The following RPAP3 variants were observed in gnomAD, a reference collection of about 807,000 sequenced individuals.
The protein encoded by RPAP3 is RNA polymerase II associated protein 3, also known as RNA polymerase II-associated protein 3.
RPAP3 carries 58 observed loss-of-function variants against 88.8 expected under a neutral mutation model. The ratio of observed to expected loss-of-function variants is 0.65; its 90% confidence interval spans 0.53 to 0.81. The LOEUF (loss-of-function observed/expected upper bound fraction) is 0.81, where lower values mean the gene tolerates loss of function less well. RPAP3 is among the 40% of genes least tolerant of loss of function. The pLI is 0.00. For missense variants in RPAP3, 751 were observed against 764.3 expected (o/e 0.98, Z 0.20); for synonymous variants, 255 against 259.9 (o/e 0.98, Z 0.18).
chr12:47,669,525 A>ATTT (rs1938953820), intron 13 of RPAP3, among the ~76,000 whole-genome samples: 2 of 152,180 alleles, frequency 1.3e-5, no homozygotes. Context: ...TATCACTTTA[A>ATTT]ATAAAAGTAC....
In RPAP3 at chr12:47,677,530, C is replaced by T. The variant is rs868812776; in HGVS notation, c.1287+1963G>A. 2.6e-5 allele frequency among the ~76,000 whole-genome samples: 4 copies of T among 152,168 alleles called. No homozygotes were observed. In the South Asian group the frequency reaches 6.2e-4, roughly 24 times the overall value. On this transcript the variant is annotated intron_variant, in intron 12 of 16. Transcript: ENST00000005386. ...CCCAAAATCTCCTTAAGCTGATAGG[C>T]AACTTCAGCAAAGTCTCAGGATACA... is the stretch of plus-strand genomic sequence containing the variant.
chr12:47,696,545 G>A, intron 4 of RPAP3, 142 bp from the exon 5 acceptor site: 2 of 540,594 alleles, frequency 3.7e-6, no homozygotes, highest in Non-Finnish European at 3.1e-6. Context: ...AAGTGTGCCT[G>A]CCTCCCCTTC....
chr12:47,696,267 A>G lies in RPAP3; in HGVS notation c.545+9T>C. On this transcript the variant is annotated intron_variant, in intron 5 of 16. Transcript: ENST00000005386. ...ATTCACATTCACACACGTCACAGAAAGTCCTTACTTTTTCAGTCTAAAATA... is the reference window on the plus strand; with the variant it reads ...ATTCACATTCACACACGTCACAGAAGGTCCTTACTTTTTCAGTCTAAAATA... 5 of 1,523,574 alleles carry G rather than the reference A, an allele frequency of 3.3e-6. No homozygotes were observed. Among genetic ancestry groups the G allele is most frequent in the Non-Finnish European group, 4.4e-6 (5 of 1,134,968 alleles). 94.4% of individuals were successfully genotyped at this position (1,523,574 alleles called of 1,614,324 possible).
chr12:47,670,905 T>C (rs1938984693), intron 12 of RPAP3, among the ~76,000 whole-genome samples: 1 of 152,112 alleles, frequency 6.6e-6, no homozygotes, highest in South Asian at 2.1e-4. Context: ...TGAAGGCAAG[T>C]GGAATAAGGG....
At chr12:47,693,862 C>G (rs1241559727) in intron 5 of RPAP3, among the ~76,000 whole-genome samples, 3 of 152,140 alleles carry the variant, frequency 2.0e-5, no homozygotes, top group African/African-American at 7.2e-5. Context: ...AAGAGACAAA[C>G]AAACAAAACA....
chr12:47,700,745 T>C (rs1439730746), intron 3 of RPAP3, among the ~76,000 whole-genome samples: 1 of 152,190 alleles, frequency 6.6e-6, no homozygotes, highest in East Asian at 1.9e-4. Flanking sequence ...TATCCCAGTC[T>C]AGAAGGGTAA....
At chr12:47,673,707 A>G (rs1330486285) in intron 12 of RPAP3, among the ~76,000 whole-genome samples, 1 of 152,100 alleles carries the variant, frequency 6.6e-6, no homozygotes, top group Non-Finnish European at 1.5e-5. Flanking sequence ...TTGATCAGTC[A>G]GGGGTACATA....
At chr12:47,700,194 T>G (rs1320048639) in intron 3 of RPAP3, 1 of 152,078 alleles carries the variant, frequency 6.6e-6, no homozygotes, top group African/African-American at 2.4e-5. Flanking sequence ...AGATGCACAC[T>G]TAAGATTTTT....
chr12:47,677,172 GC>G (rs1164073238), intron 12 of RPAP3, among the ~76,000 whole-genome samples: 1 of 152,110 alleles, frequency 6.6e-6, no homozygotes, highest in African/African-American at 2.4e-5. Flanking sequence ...TGCAGAAAAG[GC>G]CTTTGACAAA....
At chr12:47,665,821 T>C (rs542190296) in intron 16 of RPAP3, among the ~76,000 whole-genome samples, 106 of 151,858 alleles carry the variant, frequency 7.0e-4, no homozygotes, top group Middle Eastern at 6.8e-3. Context: ...TTGTATTTTT[T>C]GTAAAGACGG....
At chr12:47,688,602 G>A (rs183211342) in intron 7 of RPAP3, among the ~76,000 whole-genome samples, 1 of 152,244 alleles carries the variant, frequency 6.6e-6, no homozygotes, top group East Asian at 1.9e-4. Context: ...TTTAGGAGCT[G>A]TTTTCAGACA....
At chr12:47,697,445 A>G in intron 4 of RPAP3, 152 bp downstream of exon 4, 1 of 615,782 alleles carries the variant, frequency 1.6e-6, no homozygotes, top group South Asian at 2.5e-5. Context: ...ACTCCTAACC[A>G]CCATGTTACA....
intron 3 of RPAP3, chr12:47,699,851 G>A (rs1274619662): frequency 6.6e-6 from 1 of 152,132 alleles, no homozygotes; most frequent in Non-Finnish European, 1.5e-5. Context: ...GACAGCAAAA[G>A]AAGCCAAACT....
chr12:47,687,780 TTAA>T, intron 8 of RPAP3, 93 bp downstream of exon 8: 1 of 1,393,678 alleles, frequency 7.2e-7, no homozygotes, highest in Non-Finnish European at 9.6e-7. Context: ...AAGCAAAACT[TTAA>T]TATTAGAGAA....
At chr12:47,680,236 G>T (rs1317703417) in intron 10 of RPAP3, among the ~76,000 whole-genome samples, 1 of 152,096 alleles carries the variant, frequency 6.6e-6, no homozygotes, top group East Asian at 1.9e-4. Context: ...ACTTACATAG[G>T]ATATCTAGAA....
intron 5 of RPAP3, among the ~76,000 whole-genome samples, chr12:47,690,935 A>G (rs2136634619): frequency 6.6e-6 from 1 of 152,340 alleles, no homozygotes; most frequent in Non-Finnish European, 1.5e-5. Flanking sequence ...TAATCTAATA[A>G]GTGTGCAAAA....
At chr12:47,694,212 TGGAATGGATGTAA>T (rs992989419) in intron 5 of RPAP3, among the ~76,000 whole-genome samples, 25 of 152,240 alleles carry the variant, frequency 1.6e-4, no homozygotes, top group African/African-American at 6.0e-4. Flanking sequence ...AAAGATAGTG[TGGAATGGATGTAA>T]GGACAGGCAA....
At chr12:47,685,378 C>CAAA (rs11416118) in intron 9 of RPAP3, among the ~76,000 whole-genome samples, 5,670 of 130,316 alleles carry the variant, frequency 0.044, 372 homozygotes, top group African/African-American at 0.15. Flanking sequence ...GACTCTGTCT[C>CAAA]AAAAAAAAAA....
chr12:47,702,344 A>G (rs1205914672), intron 2 of RPAP3, among the ~76,000 whole-genome samples: 2 of 152,104 alleles, frequency 1.3e-5, no homozygotes, highest in Non-Finnish European at 2.9e-5. Flanking sequence ...TCAACAGATC[A>G]AGACCATCCT....
Sources: gnomAD v4.1 joint callset for allele counts (sites outside exome capture counted in the v4.1 genomes callset) on GRCh38, gnomAD v4.1.1 for gene constraint, MANE v1.5 for transcripts, NCBI Gene and HGNC (gene_info 2026-07-23, HGNC 2026-07-21) for gene names.